Variants in PRKCE observed in about 807,000 individuals in gnomAD.
PRKCE encodes the protein protein kinase C epsilon type.
Under a neutral mutation model 85.4 loss-of-function variants are expected in PRKCE, and 16 were observed. That is an observed-to-expected ratio of 0.19 (90% CI 0.13 to 0.28). The LOEUF (loss-of-function observed/expected upper bound fraction) is 0.28. PRKCE is among the 10% of genes least tolerant of loss of function. The probability of loss-of-function intolerance (pLI) is 1.00; values close to 1 mark genes in which losing one functional copy is unlikely to be tolerated. For missense variants in PRKCE, 573 were observed against 975.2 expected, an observed-to-expected ratio of 0.59 and a Z score of 5.49; for synonymous variants, 388 against 371.5, an observed-to-expected ratio of 1.04 and a Z score of -0.51.
chr2:46,165,880 G>A (rs755815458), intron 14 of PRKCE, among the ~76,000 whole-genome samples: 1 of 152,218 alleles, frequency 6.6e-6, no homozygotes, highest in Non-Finnish European at 1.5e-5. Context: ...AAAGCCAGAG[G>A]CAATGAGGGA....
chr2:46,172,132 G>A (rs1038843058), intron 14 of PRKCE, among the ~76,000 whole-genome samples: 1 of 152,208 alleles, frequency 6.6e-6, no homozygotes, highest in African/African-American at 2.4e-5. Context: ...GTGGCTCTCT[G>A]CCGTCCTCCA....
intron 10 of PRKCE, among the ~76,000 whole-genome samples, chr2:46,072,915 A>G (rs1365964755): frequency 6.6e-6 from 1 of 152,246 alleles, no homozygotes; most frequent in Non-Finnish European, 1.5e-5. Context: ...CCAAATGTTC[A>G]TGTTAGAAGG....
intron 1 of PRKCE, among the ~76,000 whole-genome samples, chr2:45,777,904 G>C (rs1413906408): frequency 6.6e-6 from 1 of 152,110 alleles, no homozygotes; most frequent in Admixed American, 6.6e-5. Flanking sequence ...CCACACCAAA[G>C]GTTCTTGAGA....
At chr2:45,809,717 C>CA (rs879282588) in intron 1 of PRKCE, among the ~76,000 whole-genome samples, 9,087 of 136,264 alleles carry the variant, frequency 0.067, 934 homozygotes, top group African/African-American at 0.23. Flanking sequence ...AACCCTGTCT[C>CA]AAAAAAAAAA....
intron 2 of PRKCE, among the ~76,000 whole-genome samples, chr2:45,969,723 A>G (rs577603224): frequency 1.1e-4 from 17 of 152,348 alleles, no homozygotes; most frequent in African/African-American, 4.1e-4. Flanking sequence ...AAGTCACTAA[A>G]GAGCATTAGA....
At chr2:45,709,070 G>T (rs1247198844) in intron 1 of PRKCE, among the ~76,000 whole-genome samples, 2 of 152,248 alleles carry the variant, frequency 1.3e-5, no homozygotes, top group African/African-American at 4.8e-5. Context: ...CAGTCTGGAT[G>T]AGACAAGTGG....
chr2:45,884,189 C>G (rs1445430561), intron 2 of PRKCE, among the ~76,000 whole-genome samples: 1 of 152,184 alleles, frequency 6.6e-6, no homozygotes, highest in African/African-American at 2.4e-5. Flanking sequence ...GGCATCTCAG[C>G]CAGGAGGTGG....
intron 1 of PRKCE, among the ~76,000 whole-genome samples, chr2:45,715,439 G>A (rs367748093): frequency 3.9e-5 from 6 of 152,254 alleles, no homozygotes; most frequent in African/African-American, 9.6e-5. Context: ...TTAAAGATAC[G>A]GTTGGGTTTT....
chr2:46,068,646 A>C lies in PRKCE; in HGVS notation c.1438-17562A>C, dbSNP rs985855896. ...GATGTGTAGTTTAAGGATTGCCGTG[A>C]ATTCAGAAGCAGAAGAATTCTCCAA... On this transcript the variant is annotated intron_variant, in intron 10 of 14. Transcript: ENST00000306156. This position sits in a 1 kb window ranked among gnomAD's most constrained non-coding sequence, Gnocchi z 4.3. 1.6e-4 allele frequency among the ~76,000 whole-genome samples: 24 copies of C among 152,236 alleles called. No homozygotes were observed. The highest frequency in any genetic ancestry group is 1.2e-3 in the Admixed American group (19 of 15,286).
chr2:45,747,718 C>G (rs181434901), intron 1 of PRKCE, among the ~76,000 whole-genome samples: 2 of 152,320 alleles, frequency 1.3e-5, no homozygotes, highest in African/African-American at 4.8e-5. Flanking sequence ...TGGGTACATA[C>G]TAGAAGCAGA....
chr2:45,856,069 A>ATT (rs1692647392), intron 2 of PRKCE, among the ~76,000 whole-genome samples: 1 of 152,012 alleles, frequency 6.6e-6, no homozygotes, highest in African/African-American at 2.4e-5. Flanking sequence ...TTTTAAAAAA[A>ATT]TTTTTTTAAA....
intron 7 of PRKCE, among the ~76,000 whole-genome samples, chr2:46,003,509 G>C (rs1704888342): frequency 6.6e-6 from 1 of 152,180 alleles, no homozygotes; most frequent in Non-Finnish European, 1.5e-5. Context: ...CTTTGTGTAA[G>C]TCACTAGGGG....
chr2:45,789,778 A>C (rs1429920338), intron 1 of PRKCE, among the ~76,000 whole-genome samples: 3 of 152,218 alleles, frequency 2.0e-5, no homozygotes, highest in African/African-American at 7.2e-5. Flanking sequence ...CACAACTTTA[A>C]GATATTTTGC....
intron 1 of PRKCE, among the ~76,000 whole-genome samples, chr2:45,749,897 A>G (rs1683413310): frequency 6.6e-6 from 1 of 152,202 alleles, no homozygotes; most frequent in African/African-American, 2.4e-5. Context: ...CTCACACATA[A>G]CATTCTTCCA....
At chr2:45,659,189 A>G (rs1253314472) in intron 1 of PRKCE, among the ~76,000 whole-genome samples, 4 of 152,132 alleles carry the variant, frequency 2.6e-5, no homozygotes, top group Non-Finnish European at 5.9e-5. Context: ...CTAATATTGT[A>G]TACCTATTTT....
intron 12 of PRKCE, among the ~76,000 whole-genome samples, chr2:46,146,132 G>T (rs1428357363): frequency 6.6e-6 from 1 of 152,208 alleles, no homozygotes; most frequent in African/African-American, 2.4e-5. Flanking sequence ...GGGATGTTTT[G>T]CTCAGCATGA....
chr2:45,795,546 G>A (rs575100774), intron 1 of PRKCE, among the ~76,000 whole-genome samples: 1 of 152,130 alleles, frequency 6.6e-6, no homozygotes. Context: ...CTGACCTCAG[G>A]TGATCCACCC....
At chr2:45,833,015 G>A (rs1020744157) in intron 1 of PRKCE, among the ~76,000 whole-genome samples, 3 of 151,906 alleles carry the variant, frequency 2.0e-5, no homozygotes, top group African/African-American at 4.8e-5. Flanking sequence ...GGCTTTCAAA[G>A]GGAGTCAAGA....
intron 2 of PRKCE, among the ~76,000 whole-genome samples, chr2:45,911,081 G>A (rs1666126467): frequency 6.6e-6 from 1 of 152,222 alleles, no homozygotes; most frequent in Non-Finnish European, 1.5e-5. Context: ...GCTGCCATGT[G>A]CAGGCCTTTG....
Sources: allele counts gnomAD v4.1 joint callset (sites outside exome capture counted in the v4.1 genomes callset), GRCh38; gene constraint gnomAD v4.1.1; non-coding constraint Gnocchi (gnomAD v3.1); transcripts MANE v1.5; gene names NCBI Gene and HGNC (gene_info 2026-07-23, HGNC 2026-07-21).